HSPA5: variants seen among roughly 807,000 people sequenced by gnomAD.
The protein encoded by HSPA5 is endoplasmic reticulum chaperone BiP.
A neutral mutation model predicts 49.5 loss-of-function variants in HSPA5; 16 were observed. The observed-to-expected ratio is 0.32, with a 90% CI of 0.22 to 0.49. The LOEUF (loss-of-function observed/expected upper bound fraction) is 0.49, where lower values mean the gene tolerates loss of function less well. Among genes scored for constraint, HSPA5 ranks in the 20% least tolerant of loss-of-function variants. HSPA5 has a pLI of 0.99. For missense variants in HSPA5, 376 were observed against 819.0 expected (o/e 0.46, Z 6.60); for synonymous variants, 271 against 307.2 (o/e 0.88, Z 1.23).
rs1184671340 is a variant in HSPA5, at chr9:125,236,079, G to A, written c.*513C>T. 4 of 80,272 alleles carry A rather than the reference G, an allele frequency of 5.0e-5. No individual in the cohort carries two copies. Among genetic ancestry groups the A allele is most frequent in the Admixed American group, 1.3e-4 (1 of 7,518 alleles). 5.0% of individuals were successfully genotyped at this position (80,272 alleles called of 1,614,324 possible). ...TGGAAGGATCACTTGGGCCCAGGAGGGTTAAAAAAAAAAAAAAAAATCCCT... is the reference window on the plus strand; with the variant it reads ...TGGAAGGATCACTTGGGCCCAGGAGAGTTAAAAAAAAAAAAAAAAATCCCT... On this transcript the variant is annotated 3_prime_UTR_variant, in exon 8 of 8. Transcript: ENST00000324460.
At position 125,235,612 on chromosome 9, in the gene HSPA5, TAGTG is replaced by T. The variant is rs1394431229; in HGVS notation, c.*976_*979del. Reference sequence around the variant, plus strand: ...ACCATTGCCTTTAACAACCCATTCATAGTGAGGGGATTTAGTGTAGTTTCAATGT... The same window carrying T: ...ACCATTGCCTTTAACAACCCATTCATAGGGGATTTAGTGTAGTTTCAATGT... On this transcript the variant is annotated 3_prime_UTR_variant, in exon 8 of 8. Coordinates refer to ENST00000324460, the MANE Select transcript of HSPA5 (RefSeq NM_005347.5). The T allele has an allele frequency of 2.0e-5, 3 of 152,058 alleles. No homozygotes were observed. Among genetic ancestry groups the T allele is most frequent in the African/African-American group, 4.8e-5 (2 of 41,406 alleles). 9.4% of individuals were successfully genotyped at this position (152,058 alleles called of 1,614,324 possible). A position where few individuals can be genotyped will look rare whatever the true frequency, so the allele number is the denominator to read the frequency against.
In HSPA5 at chr9:125,236,720, T is replaced by C. The variant is rs1191963130; in HGVS notation, c.1837A>G (p.Ile613Val). 11 of 1,613,794 alleles carry C rather than the reference T, an allele frequency of 6.8e-6. No homozygotes were observed. Among genetic ancestry groups the C allele is most frequent in the East Asian group, 2.2e-5 (1 of 44,898 alleles). The change falls in exon 8 of 8, where the codon ATT becomes GTT. Residue 613 changes from isoleucine to valine, a missense_variant. Transcript: ENST00000324460. Reference sequence around the variant, plus strand: ...TTCTTCTTAGCTTTGAAGTCTTCAATGTCAGCATCTTGGTGGCTTTCCAGC... The same window carrying C: ...TTCTTCTTAGCTTTGAAGTCTTCAACGTCAGCATCTTGGTGGCTTTCCAGC... ...EWLESHQDAD[I>V]EDFKAKKKEL...
rs1832471323 is a variant in HSPA5 at position 125,235,215 on chromosome 9, T to TC, written c.*1376_*1377insG. The TC allele has an allele frequency of 1.3e-5, 2 of 152,096 alleles. No individual in the cohort carries two copies. 9.4% of individuals were successfully genotyped at this position (152,096 alleles called of 1,614,324 possible). A position where few individuals can be genotyped will look rare whatever the true frequency, so the allele number is the denominator to read the frequency against. The stretch of plus-strand genomic sequence containing the variant: ...TCCTTGGGCAGTATTGGATTCTTTT[T>TC]TTTTTTTTTGAGGTGGAGTCTCACT... On this transcript the variant is annotated 3_prime_UTR_variant, in exon 8 of 8. Transcript: ENST00000324460.
rs1405356546 is a variant in HSPA5 at position 125,240,538 on chromosome 9, C to T, written c.354+138G>A. 1 of 750,210 alleles carries T rather than the reference C, an allele frequency of 1.3e-6. No homozygotes were observed. The highest frequency in any genetic ancestry group is 1.8e-5 in the African/African-American group (1 of 56,644). 46.5% of individuals were successfully genotyped at this position (750,210 alleles called of 1,614,324 possible). On this transcript the variant is annotated intron_variant, in intron 2 of 7. Transcript: ENST00000324460. This position sits in a 1 kb window ranked among gnomAD's most constrained non-coding sequence, Gnocchi z 4.4. The stretch of plus-strand genomic sequence containing the variant: ...CAACTGTCTTAAGTTTTGTAACATA[C>T]TAATAGTATTAAAGTTATTACATAC...
chr9:125,238,924 G>A lies in HSPA5; in HGVS notation c.996+17C>T, dbSNP rs778760844. ...CTAAGGAGATCTCATTAGCAAAGCA[G>A]AAAACAAGGAACATACCATGTTGAG... On this transcript the variant is annotated intron_variant, in intron 5 of 7. Transcript: ENST00000324460. The A allele has an allele frequency of 1.9e-6, 3 of 1,602,302 alleles. No homozygotes were observed. Among genetic ancestry groups the A allele is most frequent in the African/African-American group, 2.7e-5 (2 of 74,374 alleles).
In HSPA5 at chr9:125,238,199, A is replaced by G. The variant is rs1389259973; in HGVS notation, c.1344T>C (p.Ser448=). The change falls in exon 7 of 8, where the codon TCT becomes TCC. Residue 448 remains serine, a synonymous_variant. Coordinates refer to ENST00000324460, the MANE Select transcript of HSPA5 (RefSeq NM_005347.5). ...TATCAGAAGCTGTAGAAAAGATCTG[A>G]GACTTCTTGGTAGGCACCACTGTGT... The part of the protein sequence containing the change: ...PRNTVVPTKK[S]QIFSTASDNQ... 1.5e-5 allele frequency: 25 copies of G among 1,613,920 alleles called. No individual in the cohort carries two copies. Among genetic ancestry groups the G allele is most frequent in the Non-Finnish European group, 2.1e-5 (25 of 1,179,892 alleles).
Position 125,236,626 on chromosome 9 carries a change from C to A in HSPA5, c.1931G>T (p.Gly644Val). 1.9e-6 allele frequency: 3 copies of A among 1,609,690 alleles called. No homozygotes were observed. The highest frequency in any genetic ancestry group is 2.5e-6 in the Non-Finnish European group (3 of 1,178,590). Residue 644 changes from glycine (G) to valine (V), a missense_variant, in exon 8 of 8, where the codon GGT (glycine) becomes GTT (valine). Physicochemically the swap from Gly to Val is moderately radical, Grantham distance 109 (BLOSUM62 -3). Around this residue, in one of 8 missense-constraint regions of HSPA5, gnomAD observed 72 missense variants for 87.8 expected, o/e 0.82. Coordinates refer to ENST00000324460, the MANE Select transcript of HSPA5 (RefSeq NM_005347.5). ...LYGSAGPPPT[G>V]EEDTAEKDEL ...ATCTTTTTCTGCTGTATCCTCTTCA[C>A]CAGTTGGGGGAGGGCCTGCACTTCC...
chr9:125,239,247 G>A lies in HSPA5; in HGVS notation c.690C>T (p.Phe230=), dbSNP rs770209845. The A allele has an allele frequency of 9.3e-6, 15 of 1,613,916 alleles. No homozygotes were observed. The highest frequency in any genetic ancestry group is 2.2e-5 in the South Asian group (2 of 91,082). ...ILVFDLGGGT[F]DVSLLTIDNG... is the part of the protein sequence containing the mutation. ...TGTCAATGGTGAGAAGAGACACATC[G>A]AAGGTTCCGCCACCCAGGTCAAACA... The change falls in exon 5 of 8, where the codon TTC becomes TTT. Residue 230 remains phenylalanine (F), a synonymous_variant. Transcript: ENST00000324460. This position sits in a 1 kb window ranked among gnomAD's most constrained non-coding sequence, Gnocchi z 5.5.
intron 7 of HSPA5, 94 bp from the exon 8 acceptor site, chr9:125,237,248 CT>C: frequency 1.1e-6 from 1 of 947,700 alleles, no homozygotes; most frequent in South Asian, 1.7e-5. Flanking sequence ...TAAAGTGACA[CT>C]TTTGGTTTTA....
At position 125,238,664 on chromosome 9, in the gene HSPA5, C is replaced by T. The variant is rs1330307450; in HGVS notation, c.1160G>A (p.Gly387Asp). Residue 387 changes from glycine to aspartate, a missense_variant, in exon 6 of 8, where the codon GGC becomes GAC. Physicochemically the swap from Gly to Asp is moderately conservative, Grantham distance 94. Coordinates refer to ENST00000324460, the MANE Select transcript of HSPA5 (RefSeq NM_005347.5). The part of the protein sequence containing the change: ...EFFNGKEPSR[G>D]INPDEAVAYG... ...CGCTACAGCTTCATCTGGGTTTATG[C>T]CACGGGATGGTTCCTTGCCATTGAA... The T allele has an allele frequency of 6.2e-7, 1 of 1,614,148 alleles. No homozygotes were observed.
intron 6 of HSPA5, 62 bp from the exon 7 acceptor site, chr9:125,238,370 T>C (rs1465112097): frequency 6.9e-7 from 1 of 1,441,798 alleles, no homozygotes; most frequent in Non-Finnish European, 9.7e-7. Context: ...GTAAAGTTTA[T>C]CTCTCTAACA....
At position 125,239,625 on chromosome 9, in the gene HSPA5, T is replaced by A. The variant is rs1049025411; in HGVS notation, c.493-92A>T. The A allele has an allele frequency of 3.0e-6, 3 of 996,446 alleles. No homozygotes were observed. In the African/African-American group the frequency reaches 4.8e-5, roughly 16 times the overall value. The allele number at this position is 996,446 out of a possible 1,614,324, so 61.7% of individuals were successfully genotyped here. ...GCCAGGCGGTGGCTTCTGCCTATAA[T>A]CCCAGCACTTTGGGAGGCTGAGGCA... On this transcript the variant is annotated intron_variant, in intron 3 of 7. Coordinates refer to ENST00000324460, the MANE Select transcript of HSPA5 (RefSeq NM_005347.5). This position sits in a 1 kb window ranked among gnomAD's most constrained non-coding sequence, Gnocchi z 5.5.
rs1304119035 is a variant in HSPA5 at position 125,240,388 on chromosome 9, A to G, written c.355-79T>C. The G allele has an allele frequency of 8.2e-6, 11 of 1,338,082 alleles. No homozygotes were observed. Among genetic ancestry groups the G allele is most frequent in the South Asian group, 1.4e-5 (1 of 73,250 alleles). 82.9% of individuals were successfully genotyped at this position (1,338,082 alleles called of 1,614,324 possible). A position where few individuals can be genotyped will look rare whatever the true frequency, so the allele number is the denominator to read the frequency against. ...TAAAAGACCCACTACCATCCCCACA[A>G]TTTGGTTTATTTTGGTCCCTTGGGG... is the stretch of plus-strand genomic sequence containing the variant. On this transcript the variant is annotated intron_variant, in intron 2 of 7. Transcript: ENST00000324460. The surrounding 1 kb of genome is among the most constrained non-coding windows in gnomAD (Gnocchi z 4.4).
chr9:125,237,619 G>C (rs10125922), intron 7 of HSPA5, among the ~76,000 whole-genome samples: 82,501 of 150,506 alleles, frequency 0.55, 22,808 homozygotes, highest in Middle Eastern at 0.58. Flanking sequence ...GGGAGGCAGA[G>C]GTTGCAAGTC....
chr9:125,237,316 T>C lies in HSPA5; in HGVS notation c.1403-162A>G, dbSNP rs1042776285. 2.0e-5 allele frequency among the ~76,000 whole-genome samples: 3 copies of C among 152,234 alleles called. No individual in the cohort carries two copies. In the East Asian group the frequency reaches 5.8e-4, roughly 29 times the overall value. ...AAGGAGCAGCAACTAGTACTAACAA[T>C]GAGTTAGGTTACTAACTCAACTGAA... On this transcript the variant is annotated intron_variant, in intron 7 of 7. Transcript: ENST00000324460.
In HSPA5 at chr9:125,237,126, A is replaced by G; in HGVS notation, c.1431T>C (p.His477=). The G allele has an allele frequency of 6.2e-7, 1 of 1,609,188 alleles. No homozygotes were observed. Among genetic ancestry groups the G allele is most frequent in the Non-Finnish European group, 8.5e-7 (1 of 1,177,406 alleles). Residue 477 remains histidine (H), a synonymous_variant, in exon 8 of 8, where the codon CAT becomes CAC. Transcript: ENST00000324460. ...CAGTCAGATCAAATGTACCCAGAAG[A>G]TGATTGTCTTTTGTCAGGGGTCTTT... ...EGERPLTKDN[H]LLGTFDLTGI...
In HSPA5 at chr9:125,239,073, G is replaced by A; in HGVS notation, c.864C>T (p.Leu288=). The change falls in exon 5 of 8, where the codon CTC becomes CTT. Residue 288 remains leucine, a synonymous_variant. Transcript: ENST00000324460. This position sits in a 1 kb window ranked among gnomAD's most constrained non-coding sequence, Gnocchi z 5.5. ...VRKDNRAVQK[L]RREVEKAKRA... The stretch of plus-strand genomic sequence containing the variant: ...GTTTGGCCTTTTCTACCTCGCGCCG[G>A]AGTTTCTGCACAGCTCTATTGTCTT... 6.2e-7 allele frequency: 1 copy of A among 1,614,158 alleles called. No homozygotes were observed. Among genetic ancestry groups the A allele is most frequent in the Non-Finnish European group, 8.5e-7 (1 of 1,180,032 alleles).
At position 125,241,004 on chromosome 9, in the gene HSPA5, C is replaced by A; in HGVS notation, c.122+1G>T. 1 of 1,613,078 alleles carries A rather than the reference C, an allele frequency of 6.2e-7. No homozygotes were observed. Among genetic ancestry groups the A allele is most frequent in the Non-Finnish European group, 8.5e-7 (1 of 1,179,488 alleles). On this transcript the variant is annotated splice_donor_variant, in intron 1 of 7. Coordinates refer to ENST00000324460, the MANE Select transcript of HSPA5 (RefSeq NM_005347.5). LOFTEE classifies it high-confidence loss of function. Reference sequence around the variant, plus strand: ...CCCCCTGCATCCGCAACCCCACTTACCAGGAGTAGGTGGTCCCCAGGTCGA... The same window carrying A: ...CCCCCTGCATCCGCAACCCCACTTAACAGGAGTAGGTGGTCCCCAGGTCGA...
chr9:125,238,330 C>A lies in HSPA5; in HGVS notation c.1235-22G>T, dbSNP rs370930340. The stretch of plus-strand genomic sequence containing the variant: ...TCACCTGTAAGGATAAGTTATTTAA[C>A]TTTTAATTCAAGTTCTCCCTATGAG... On this transcript the variant is annotated intron_variant, in intron 6 of 7. Coordinates refer to ENST00000324460, the MANE Select transcript of HSPA5 (RefSeq NM_005347.5). The A allele has an allele frequency of 6.2e-6, 10 of 1,604,490 alleles. No homozygotes were observed. The South Asian group carries it at 9.9e-5, about 16-fold the overall frequency.
Sources: gnomAD v4.1 joint callset for allele counts (sites outside exome capture counted in the v4.1 genomes callset) on GRCh38, gnomAD v4.1.1 for gene constraint, gnomAD v4.1.1 regional missense constraint, Gnocchi (gnomAD v3.1) non-coding constraint, MANE v1.5 for transcripts, NCBI Gene and HGNC (gene_info 2026-07-23, HGNC 2026-07-21) for gene names.